The following RP1 variants were observed in gnomAD, a reference collection of about 807,000 sequenced individuals.
RP1 encodes the protein oxygen-regulated protein 1.
RP1 carries 16 observed loss-of-function variants against 14.8 expected under a neutral mutation model. The ratio of observed to expected loss-of-function variants is 1.08; its 90% CI spans 0.73 to 1.65. The LOEUF (loss-of-function observed/expected upper bound fraction) is 1.65. Among genes scored for constraint, RP1 ranks in the 40% most tolerant of loss-of-function variants. The pLI is 0.00. For synonymous variants in RP1, 876 were observed against 883.6 expected (o/e 0.99, Z 0.15); for missense variants, 2,631 against 2,535.0 (o/e 1.04, Z -0.81).
At chr8:54,726,233 GAA>G (rs1424114411) in intron 16 of RP1, 1 of 1,222,536 alleles carries the variant, frequency 8.2e-7, no homozygotes, top group Admixed American at 3.1e-5. Context: ...ACTAGGCATT[GAA>G]ATGGAAACAA....
exon 8 of RP1, chr8:54,673,908 G>C: frequency 6.5e-7 from 1 of 1,535,824 alleles, no homozygotes; most frequent in Non-Finnish European, 8.7e-7. Context: ...ATTGTGATAG[G>C]CCATGATGGA....
chr8:54,831,560 C>T (rs1811529732), intron 24 of RP1, among the ~76,000 whole-genome samples: 1 of 151,476 alleles, frequency 6.6e-6, no homozygotes, highest in Admixed American at 6.6e-5. Flanking sequence ...ATCCCTTCAA[C>T]CCCTTATGCT....
At position 54,629,233 on chromosome 8, in the gene RP1, C is replaced by T. The variant is rs1806178131; in HGVS notation, c.5351C>T (p.Pro1784Leu). The T allele has an allele frequency of 6.2e-7, 1 of 1,613,902 alleles. No individual in the cohort carries two copies. Among genetic ancestry groups the T allele is most frequent in the Non-Finnish European group, 8.5e-7 (1 of 1,179,950 alleles). ...TLLDNNSSEV[P>L]YSHFGNLAPG... is the part of the protein sequence containing the mutation. ...CTTGATAATAACAGCAGTGAGGTAC[C>T]ATATTCACATTTTGGTAATTTGGCC... is the stretch of plus-strand genomic sequence containing the variant. Residue 1784 changes from proline (P) to leucine (L), a missense_variant, in exon 4 of 4, where the codon CCA becomes CTA. Coordinates refer to ENST00000220676, the MANE Select transcript of RP1 (RefSeq NM_006269.2).
In RP1 at chr8:54,662,537, C is replaced by T. The variant is rs536384951; in HGVS notation, c.1172-1162C>T. ...TCCAATGTGCTCTTCTTCCTAGGCACAAGGATGTAAGAAAATAGAGAAATG... is the reference window on the plus strand; with the variant it reads ...TCCAATGTGCTCTTCTTCCTAGGCATAAGGATGTAAGAAAATAGAGAAATG... On this transcript the variant is annotated intron_variant, in intron 6 of 22. Coordinates refer to the RP1 transcript ENST00000636932. Among the ~76,000 whole-genome samples the T allele has an allele frequency of 1.8e-4, 28 of 152,200 alleles. No individual in the cohort carries two copies. In the South Asian group the frequency reaches 5.4e-3, roughly 29 times the overall value.
chr8:54,838,978 A>G (rs1442737953), intron 25 of RP1, among the ~76,000 whole-genome samples: 1 of 152,214 alleles, frequency 6.6e-6, no homozygotes, highest in Non-Finnish European at 1.5e-5. Context: ...AGGATGATGT[A>G]CTTACAGTAT....
chr8:54,687,285 T>C (rs1807587658), intron 12 of RP1, among the ~76,000 whole-genome samples: 1 of 152,088 alleles, frequency 6.6e-6, no homozygotes, highest in Admixed American at 6.6e-5. Flanking sequence ...AGAGTGGACA[T>C]GCCTCTGCAT....
At chr8:54,585,785 G>C (rs944729126) in intron 1 of RP1, among the ~76,000 whole-genome samples, 4 of 152,036 alleles carry the variant, frequency 2.6e-5, no homozygotes, top group Non-Finnish European at 4.4e-5. Context: ...CCTGTTGATC[G>C]AATCGGCTAC....
intron 12 of RP1, chr8:54,697,088 C>G: frequency 6.4e-7 from 1 of 1,571,892 alleles, no homozygotes; most frequent in Non-Finnish European, 8.6e-7. Context: ...GATGGGCACA[C>G]CTGGCTATCG....
intron 12 of RP1, among the ~76,000 whole-genome samples, chr8:54,694,836 T>C (rs1241653223): frequency 2.6e-5 from 4 of 152,134 alleles, no homozygotes; most frequent in African/African-American, 7.2e-5. Flanking sequence ...CTTCTCTGAT[T>C]TTAGTTATTT....
intron 24 of RP1, among the ~76,000 whole-genome samples, chr8:54,803,467 A>C (rs1321130319): frequency 1.3e-5 from 2 of 151,964 alleles, no homozygotes; most frequent in Non-Finnish European, 2.9e-5. Context: ...AACTGTGAAG[A>C]CTCCCCTAAG....
intron 19 of RP1, among the ~76,000 whole-genome samples, chr8:54,752,584 T>C (rs1220561172): frequency 2.0e-5 from 3 of 152,220 alleles, no homozygotes; most frequent in Non-Finnish European, 4.4e-5. Context: ...CAGTTCAGAG[T>C]TGTGGGTGGG....
chr8:54,574,188 A>C (rs562910642), intron 1 of RP1, among the ~76,000 whole-genome samples: 2 of 152,308 alleles, frequency 1.3e-5, no homozygotes, highest in African/African-American at 4.8e-5. Context: ...AGATGAGGGA[A>C]ACACAGTTCC....
At chr8:54,613,946 G>T (rs935697452), upstream of RP1, among the ~76,000 whole-genome samples, 3 of 152,208 alleles carry the variant, frequency 2.0e-5, no homozygotes, top group African/African-American at 7.2e-5. Context: ...GATCATGGAA[G>T]TGTGTTAAAA....
chr8:54,716,924 A>G (rs1452290935), intron 15 of RP1, among the ~76,000 whole-genome samples: 1 of 152,126 alleles, frequency 6.6e-6, no homozygotes, highest in Admixed American at 6.5e-5. Flanking sequence ...CCCAAAATAT[A>G]TGGATGATTC....
intron 23 of RP1, among the ~76,000 whole-genome samples, chr8:54,782,389 G>A (rs1810209606): frequency 6.6e-6 from 1 of 152,186 alleles, no homozygotes; most frequent in African/African-American, 2.4e-5. Flanking sequence ...TATACAGACA[G>A]TGGTGGGTGG....
intron 24 of RP1, among the ~76,000 whole-genome samples, chr8:54,822,257 G>C (rs1451779985): frequency 6.6e-6 from 1 of 152,152 alleles, no homozygotes; most frequent in African/African-American, 2.4e-5. Context: ...TCACTTCTAT[G>C]AAAGAGGTAA....
chr8:54,693,211 A>G (rs1585611959), intron 12 of RP1, among the ~76,000 whole-genome samples: 1 of 151,932 alleles, frequency 6.6e-6, no homozygotes, highest in South Asian at 2.1e-4. Context: ...TGCCGTTTTG[A>G]TTACTGTAGC....
chr8:54,706,674 T>G, intron 15 of RP1: 1 of 1,535,196 alleles, frequency 6.5e-7, no homozygotes, highest in Non-Finnish European at 8.7e-7. Flanking sequence ...CTGCTCTTGT[T>G]TCTCTCAGCA....
intron 12 of RP1, chr8:54,696,914 A>G: frequency 1.2e-6 from 1 of 829,564 alleles, no homozygotes; most frequent in Non-Finnish European, 2.1e-6. Context: ...CAACACAGTG[A>G]TTGAGGAGCA....
Sources: gnomAD v4.1 joint callset for allele counts (sites outside exome capture counted in the v4.1 genomes callset) on GRCh38, gnomAD v4.1.1 for gene constraint, MANE v1.5 for transcripts, NCBI Gene and HGNC (gene_info 2026-07-23, HGNC 2026-07-21) for gene names.